Variants in CTNNA2 observed in about 807,000 individuals in gnomAD.
CTNNA2 encodes the protein catenin alpha 2.
A neutral mutation model predicts 101.0 loss-of-function variants in CTNNA2; 42 were observed. The ratio of observed to expected loss-of-function variants is 0.42; its 90% CI spans 0.32 to 0.54. The LOEUF (loss-of-function observed/expected upper bound fraction) is 0.54, where lower values mean the gene tolerates loss of function less well. Ranked by LOEUF, CTNNA2 falls within the 20% of genes least tolerant of loss-of-function variation. The pLI, the probability that CTNNA2 is intolerant of heterozygous loss-of-function variation, is 0.14. For missense variants in CTNNA2, 871 were observed against 1,223.1 expected (o/e 0.71, Z 4.29); for synonymous variants, 450 against 456.4 (o/e 0.99, Z 0.18).
At chr2:79,716,749 G>A (rs1686132645) in intron 2 of CTNNA2, among the ~76,000 whole-genome samples, 1 of 152,134 alleles carries the variant, frequency 6.6e-6, no homozygotes. Context: ...AGCCGTTGAA[G>A]AGTGTAGGAA....
chr2:80,644,198 C>T (rs1673806977), intron 18 of CTNNA2, among the ~76,000 whole-genome samples: 1 of 152,096 alleles, frequency 6.6e-6, no homozygotes, highest in Admixed American at 6.6e-5. Flanking sequence ...CGTTACCTCC[C>T]TAAGCTTCAA....
chr2:80,033,157 A>AAC (rs1489932820), intron 7 of CTNNA2, among the ~76,000 whole-genome samples: 6 of 151,610 alleles, frequency 4.0e-5, no homozygotes, highest in African/African-American at 1.5e-4. Flanking sequence ...TCAAAAAAAA[A>AAC]AAAAAAAAAC....
chr2:79,710,777 C>T (rs952517672), intron 2 of CTNNA2, among the ~76,000 whole-genome samples: 2 of 152,038 alleles, frequency 1.3e-5, no homozygotes, highest in African/African-American at 4.8e-5. Flanking sequence ...TGTGAATGTA[C>T]ATATTCCTGC....
At position 80,105,316 on chromosome 2, in the gene CTNNA2, A is replaced by G. The variant is rs145726017; in HGVS notation, c.1056+195519A>G. ...AATTAAAATATGAGAAAATCTAACA[A>G]GAAATGCTCTAGTGAATTACTTATG... On this transcript the variant is annotated intron_variant, in intron 7 of 18. Transcript: ENST00000402739. 4.1e-3 allele frequency among the ~76,000 whole-genome samples: 623 copies of G among 152,332 alleles called. 5 individuals carry two copies. Among genetic ancestry groups the G allele is most frequent in the Non-Finnish European group, 4.8e-3 (325 of 68,034 alleles).
intron 7 of CTNNA2, among the ~76,000 whole-genome samples, chr2:80,274,538 G>A (rs1214428854): frequency 6.6e-6 from 1 of 152,016 alleles, no homozygotes; most frequent in Admixed American, 6.6e-5. Context: ...GTCTCAATTC[G>A]AAGACCCTTA....
At chr2:79,677,793 G>A (rs371603963) in intron 2 of CTNNA2, among the ~76,000 whole-genome samples, 94 of 152,306 alleles carry the variant, frequency 6.2e-4, no homozygotes, top group African/African-American at 2.2e-3. Flanking sequence ...AGTAAGAAGA[G>A]GAGTTAAGAA....
intron 7 of CTNNA2, among the ~76,000 whole-genome samples, chr2:79,993,695 G>A (rs553016954): frequency 6.6e-6 from 1 of 152,208 alleles, no homozygotes; most frequent in East Asian, 1.9e-4. Context: ...AGTTACTGGG[G>A]CAGACAGAGC....
chr2:80,555,345 C>CT (rs1477391169), intron 11 of CTNNA2, among the ~76,000 whole-genome samples: 1 of 152,120 alleles, frequency 6.6e-6, no homozygotes, highest in Non-Finnish European at 1.5e-5. Context: ...AAGGGATATT[C>CT]TTTAAGTCAG....
At chr2:79,188,060 T>C (rs1673804459) in intron 1 of CTNNA2, among the ~76,000 whole-genome samples, 1 of 152,202 alleles carries the variant, frequency 6.6e-6, no homozygotes. Context: ...ATTTTAAAGA[T>C]GCTTAAATAA....
At chr2:80,161,924 A>G (rs1222527578) in intron 7 of CTNNA2, among the ~76,000 whole-genome samples, 1 of 152,170 alleles carries the variant, frequency 6.6e-6, no homozygotes, top group East Asian at 1.9e-4. Context: ...GCTCAAGAGC[A>G]TGTCACAGAA....
At chr2:79,553,928 C>G (rs761073191) in intron 1 of CTNNA2, among the ~76,000 whole-genome samples, 1 of 152,180 alleles carries the variant, frequency 6.6e-6, no homozygotes, top group Non-Finnish European at 1.5e-5. Context: ...CAGCTATCTA[C>G]TTAGGAACAA....
intron 18 of CTNNA2, among the ~76,000 whole-genome samples, chr2:80,619,551 G>T (rs1158239253): frequency 6.6e-6 from 1 of 151,866 alleles, no homozygotes; most frequent in African/African-American, 2.4e-5. Flanking sequence ...CTTCACTAAG[G>T]AAGGGTAGTC....
At chr2:80,329,615 A>G (rs2149260393) in intron 7 of CTNNA2, among the ~76,000 whole-genome samples, 1 of 152,202 alleles carries the variant, frequency 6.6e-6, no homozygotes, top group Non-Finnish European at 1.5e-5. Context: ...GAGAATACCT[A>G]CCTTAACAAG....
intron 7 of CTNNA2, among the ~76,000 whole-genome samples, chr2:80,225,319 A>G (rs892909269): frequency 6.6e-6 from 1 of 152,210 alleles, no homozygotes; most frequent in Non-Finnish European, 1.5e-5. Context: ...CTGCAAACAC[A>G]GGTCACACTT....
intron 9 of CTNNA2, among the ~76,000 whole-genome samples, chr2:80,447,389 C>G (rs1574062033): frequency 6.6e-6 from 1 of 152,312 alleles, no homozygotes; most frequent in East Asian, 1.9e-4. Flanking sequence ...TAGCTGGCCA[C>G]TTTCCAAAAG....
At chr2:80,413,024 A>G (rs1054432007) in intron 8 of CTNNA2, among the ~76,000 whole-genome samples, 3 of 152,232 alleles carry the variant, frequency 2.0e-5, no homozygotes, top group African/African-American at 7.2e-5. Context: ...TATGGATAGA[A>G]GGAGATAGAA....
chr2:80,354,630 T>C (rs1466020130), intron 7 of CTNNA2, among the ~76,000 whole-genome samples: 1 of 152,112 alleles, frequency 6.6e-6, no homozygotes, highest in East Asian at 1.9e-4. Context: ...GGATAGCATT[T>C]CCGTAATTTA....
chr2:79,270,819 A>C (rs2104299787), intron 2 of CTNNA2, among the ~76,000 whole-genome samples: 1 of 152,030 alleles, frequency 6.6e-6, no homozygotes, highest in Non-Finnish European at 1.5e-5. Flanking sequence ...CATGTGTTCC[A>C]TTAAGGGGGT....
intron 18 of CTNNA2, among the ~76,000 whole-genome samples, chr2:80,629,341 G>A (rs1356569125): frequency 1.3e-5 from 2 of 151,966 alleles, no homozygotes; most frequent in African/African-American, 4.8e-5. Flanking sequence ...AATACAGAAA[G>A]GAATAACCTC....
Sources: gnomAD v4.1 joint callset for allele counts (sites outside exome capture counted in the v4.1 genomes callset) on GRCh38, gnomAD v4.1.1 for gene constraint, MANE v1.5 for transcripts, NCBI Gene and HGNC (gene_info 2026-07-23, HGNC 2026-07-21) for gene names.